Variants in EYS observed in about 807,000 individuals in gnomAD.
EYS encodes the protein protein eyes shut homolog.
In EYS, 250 loss-of-function variants were observed where a neutral mutation model predicts 282.1. The ratio of observed to expected loss-of-function variants is 0.89; its 90% CI spans 0.80 to 0.98. The LOEUF is 0.98. EYS is among the 50% of genes least tolerant of loss of function. The pLI, the probability that EYS is intolerant of heterozygous loss-of-function variation, is 0.00. For synonymous variants in EYS, 1,355 were observed against 1,282.9 expected, an observed-to-expected ratio of 1.06 and a Z score of -1.20; for missense variants, 4,016 against 3,709.0, an observed-to-expected ratio of 1.08 and a Z score of -2.15.
intron 22 of EYS, among the ~76,000 whole-genome samples, chr6:64,789,478 T>A (rs1774120496): frequency 6.6e-6 from 1 of 152,178 alleles, no homozygotes; most frequent in Admixed American, 6.5e-5. Flanking sequence ...TGCAAGAATT[T>A]TTTTATACTG....
chr6:65,081,884 C>T (rs1774239214), intron 12 of EYS, among the ~76,000 whole-genome samples: 1 of 151,992 alleles, frequency 6.6e-6, no homozygotes, highest in Non-Finnish European at 1.5e-5. Flanking sequence ...GGTCATGCTA[C>T]AAAATGACTA....
At chr6:64,822,136 T>C (rs1269085454) in intron 20 of EYS, among the ~76,000 whole-genome samples, 1 of 152,072 alleles carries the variant, frequency 6.6e-6, no homozygotes, top group Non-Finnish European at 1.5e-5. Flanking sequence ...TGTGATGCAT[T>C]CTTCTTTGCC....
At chr6:64,386,705 A>G (rs576571269) in intron 29 of EYS, among the ~76,000 whole-genome samples, 1 of 152,268 alleles carries the variant, frequency 6.6e-6, no homozygotes, top group Non-Finnish European at 1.5e-5. Flanking sequence ...ACATAAGCCA[A>G]CCTGGTCATT....
chr6:65,600,260 G>A (rs995183908), intron 2 of EYS, among the ~76,000 whole-genome samples: 2 of 151,966 alleles, frequency 1.3e-5, no homozygotes, highest in Non-Finnish European at 2.9e-5. Context: ...CTACAACATA[G>A]GGCCTTTTCT....
chr6:64,659,368 C>A (rs952653471), intron 22 of EYS, among the ~76,000 whole-genome samples: 5 of 151,954 alleles, frequency 3.3e-5, no homozygotes, highest in African/African-American at 7.2e-5. Context: ...TAGCAGAAGG[C>A]AAGAAATAAC....
At chr6:64,629,475 A>G (rs1767712940) in intron 22 of EYS, among the ~76,000 whole-genome samples, 4 of 152,172 alleles carry the variant, frequency 2.6e-5, no homozygotes, top group Non-Finnish European at 1.5e-5. Flanking sequence ...AAGAAACAAT[A>G]TCTTAACAAT....
At chr6:65,225,721 GA>G (rs201575014) in intron 12 of EYS, among the ~76,000 whole-genome samples, 28,151 of 95,358 alleles carry the variant, frequency 0.3, 2,847 homozygotes, top group Middle Eastern at 0.4. Flanking sequence ...CATCAAAAAA[GA>G]AAAAAAAAAA....
At chr6:65,365,648 T>G (rs944480048) in intron 8 of EYS, among the ~76,000 whole-genome samples, 1 of 151,716 alleles carries the variant, frequency 6.6e-6, no homozygotes, top group Non-Finnish European at 1.5e-5. Flanking sequence ...GTTTCCACAA[T>G]GTAATGTTTT....
chr6:65,382,219 T>G lies in EYS; in HGVS notation c.1299+2167A>C, dbSNP rs1765639947. ...AAGAACCTCATCCTTTGGTGTTTTT[T>G]TTTTTTTTTTTTTGCTCCATTTTAT... On this transcript the variant is annotated intron_variant, in intron 8 of 42. Transcript: ENST00000503581. 6.6e-5 allele frequency among the ~76,000 whole-genome samples: 10 copies of G among 150,932 alleles called. No homozygotes were observed. The South Asian group carries it at 2.1e-3, about 31-fold the overall frequency.
Position 63,908,047 on chromosome 6 carries a change from T to C in EYS, c.7056-43689A>G, listed in dbSNP as rs1349125202. On this transcript the variant is annotated intron_variant, in intron 35 of 42. Coordinates refer to ENST00000503581, the MANE Select transcript of EYS (RefSeq NM_001142800.2). ...ATATATATATACGTTTGTGTGTGTG[T>C]GTGTGTGTGTGTGTGTGTAAATATA... Among the ~76,000 whole-genome samples, 6 of 101,976 alleles carry C rather than the reference T, an allele frequency of 5.9e-5. No homozygotes were observed. In the East Asian group the frequency reaches 1.3e-3, roughly 21 times the overall value. The allele number at this position is 101,976 out of a possible 152,430, so 66.9% of individuals were successfully genotyped here. A position where few individuals can be genotyped will look rare whatever the true frequency, so the allele number is the denominator to read the frequency against.
chr6:64,225,513 A>G (rs1766228544), intron 31 of EYS, among the ~76,000 whole-genome samples: 2 of 152,114 alleles, frequency 1.3e-5, no homozygotes, highest in Admixed American at 1.3e-4. Flanking sequence ...GAGATACAAT[A>G]TGAGAAAAAT....
chr6:64,334,544 C>A (rs1416598201), intron 29 of EYS, among the ~76,000 whole-genome samples: 1 of 152,060 alleles, frequency 6.6e-6, no homozygotes, highest in Non-Finnish European at 1.5e-5. Context: ...CAAGATGGGT[C>A]ATGAGGATGC....
chr6:64,478,598 T>C (rs1353274105), intron 26 of EYS, among the ~76,000 whole-genome samples: 2 of 151,162 alleles, frequency 1.3e-5, no homozygotes, highest in East Asian at 1.9e-4. Context: ...AAAATATTAA[T>C]AATACTAATA....
intron 31 of EYS, among the ~76,000 whole-genome samples, chr6:64,207,519 A>G (rs1765646143): frequency 6.6e-6 from 1 of 152,174 alleles, no homozygotes; most frequent in Non-Finnish European, 1.5e-5. Context: ...ATACTAGCTA[A>G]TGCATTACCT....
intron 18 of EYS, among the ~76,000 whole-genome samples, chr6:64,892,087 G>A (rs1441193824): frequency 6.6e-6 from 1 of 151,796 alleles, no homozygotes. Context: ...AGATAAGGAA[G>A]AGTAACTATA....
intron 19 of EYS, among the ~76,000 whole-genome samples, chr6:64,848,174 G>T (rs1205399195): frequency 6.6e-6 from 1 of 151,956 alleles, no homozygotes; most frequent in Non-Finnish European, 1.5e-5. Flanking sequence ...TGGAGAAAAT[G>T]ATTTTGATTA....
At chr6:63,880,505 A>G (rs1773104036) in intron 35 of EYS, among the ~76,000 whole-genome samples, 1 of 151,762 alleles carries the variant, frequency 6.6e-6, no homozygotes, top group African/African-American at 2.4e-5. Context: ...CTATCTATCT[A>G]TCTATCTATC....
At chr6:65,238,361 C>G (rs1181960394) in intron 12 of EYS, among the ~76,000 whole-genome samples, 1 of 151,556 alleles carries the variant, frequency 6.6e-6, no homozygotes, top group Non-Finnish European at 1.5e-5. Flanking sequence ...TTCACTGTCA[C>G]TTGTCAGAAG....
chr6:64,746,826 C>T (rs988119607), intron 22 of EYS, among the ~76,000 whole-genome samples: 3 of 152,210 alleles, frequency 2.0e-5, no homozygotes, highest in Admixed American at 2.0e-4. Flanking sequence ...GTCCAATGCC[C>T]TTTGGCATAG....
Sources: gnomAD v4.1 joint callset for allele counts (sites outside exome capture counted in the v4.1 genomes callset) on GRCh38, gnomAD v4.1.1 for gene constraint, MANE v1.5 for transcripts, NCBI Gene and HGNC (gene_info 2026-07-23, HGNC 2026-07-21) for gene names.